PDE1C: variants seen among roughly 807,000 people sequenced by gnomAD.
PDE1C encodes the protein phosphodiesterase 1C.
PDE1C carries 62 observed loss-of-function variants against 93.1 expected under a neutral mutation model. That is an observed-to-expected ratio of 0.67 (90% CI 0.54 to 0.82). The LOEUF is 0.82. Among genes scored for constraint, PDE1C ranks in the 40% least tolerant of loss-of-function variants. The pLI is 0.00. For synonymous variants in PDE1C, 325 were observed against 310.1 expected (o/e 1.05, Z -0.50); for missense variants, 742 against 884.6 (o/e 0.84, Z 2.04).
intron 3 of PDE1C, among the ~76,000 whole-genome samples, chr7:32,157,063 C>T (rs192897895): frequency 1.2e-3 from 186 of 152,218 alleles, no homozygotes; most frequent in African/African-American, 4.1e-3. Context: ...CTAGAGGCAA[C>T]GATCAGAAAA....
intron 2 of PDE1C, among the ~76,000 whole-genome samples, chr7:31,911,354 T>C (rs1449954799): frequency 6.6e-6 from 1 of 152,170 alleles, no homozygotes; most frequent in African/African-American, 2.4e-5. Context: ...GTGGTGCTAC[T>C]TGTGGCCTTT....
downstream of PDE1C, among the ~76,000 whole-genome samples, chr7:31,749,854 C>T (rs186414874): frequency 4.5e-3 from 686 of 151,158 alleles, 2 homozygotes; most frequent in Non-Finnish European, 6.7e-3. Flanking sequence ...TCTCCTGCCT[C>T]AGCCTCCCAA....
chr7:32,061,180 A>G (rs536808088), intron 1 of PDE1C, among the ~76,000 whole-genome samples: 1 of 152,356 alleles, frequency 6.6e-6, no homozygotes, highest in African/African-American at 2.4e-5. Flanking sequence ...TGACTTTCAG[A>G]CAAAATGCTC....
chr7:31,909,162 T>TA (rs1447871290), intron 2 of PDE1C, among the ~76,000 whole-genome samples: 1 of 152,176 alleles, frequency 6.6e-6, no homozygotes, highest in African/African-American at 2.4e-5. Context: ...CCTGTCCTCT[T>TA]ACGTGGTAAA....
chr7:31,911,554 C>A (rs1222641369), intron 2 of PDE1C, among the ~76,000 whole-genome samples: 1 of 152,110 alleles, frequency 6.6e-6, no homozygotes, highest in East Asian at 1.9e-4. Flanking sequence ...AATCCCCCTG[C>A]TAATCTCCCC....
At chr7:32,082,533 C>G (rs111694462) in intron 3 of PDE1C, among the ~76,000 whole-genome samples, 11 of 150,998 alleles carry the variant, frequency 7.3e-5, no homozygotes, top group South Asian at 6.3e-4. Flanking sequence ...GATCTGAGAA[C>G]GGGCAGACTG....
intron 2 of PDE1C, among the ~76,000 whole-genome samples, chr7:31,947,872 A>G (rs1275818122): frequency 2.6e-5 from 4 of 152,226 alleles, no homozygotes; most frequent in Non-Finnish European, 5.9e-5. Flanking sequence ...AAGTTCTGAT[A>G]CTAGGCAGAT....
the PDE1C span, among the ~76,000 whole-genome samples, chr7:31,634,446 T>C: frequency 3.4e-4 from 52 of 152,272 alleles, no homozygotes; most frequent in Non-Finnish European, 5.9e-4. Context: ...ACAAGTAACA[T>C]AGTATTACCA....
chr7:31,691,822 A>AAC, the PDE1C span, among the ~76,000 whole-genome samples: 1 of 141,648 alleles, frequency 7.1e-6, no homozygotes, highest in Non-Finnish European at 1.5e-5. Context: ...AAAAAAAAAA[A>AAC]CCAAGCAAAA....
chr7:32,171,374 G>T (rs924161505), intron 2 of PDE1C, among the ~76,000 whole-genome samples: 1 of 151,302 alleles, frequency 6.6e-6, no homozygotes, highest in South Asian at 2.1e-4. Context: ...GGGTTCCATG[G>T]ATTCAAACAA....
At chr7:31,732,636 T>TC in the PDE1C span, among the ~76,000 whole-genome samples, 2 of 103,204 alleles carry the variant, frequency 1.9e-5, no homozygotes, top group East Asian at 2.6e-4. Flanking sequence ...TCTCCTCTCT[T>TC]TCTGTGTGTG....
chr7:32,130,640 C>A (rs531153926), intron 3 of PDE1C, among the ~76,000 whole-genome samples: 1 of 152,208 alleles, frequency 6.6e-6, no homozygotes, highest in East Asian at 1.9e-4. Context: ...ATCTTACAAA[C>A]TCTTCTTGTC....
intron 1 of PDE1C, among the ~76,000 whole-genome samples, chr7:32,261,541 C>T (rs1204304824): frequency 2.6e-5 from 4 of 152,144 alleles, no homozygotes; most frequent in Admixed American, 6.5e-5. Context: ...TGCAATTCCC[C>T]GTCTTGATAA....
chr7:31,692,858 C>T, the PDE1C span, among the ~76,000 whole-genome samples: 2 of 152,176 alleles, frequency 1.3e-5, no homozygotes, highest in African/African-American at 4.8e-5. Flanking sequence ...AGCTTGTTTC[C>T]AGTATTTCCT....
chr7:32,148,509 C>T (rs934502622), intron 3 of PDE1C, among the ~76,000 whole-genome samples: 6 of 152,116 alleles, frequency 3.9e-5, no homozygotes, highest in African/African-American at 1.4e-4. Flanking sequence ...GATTCACATA[C>T]TCAAGTTGTT....
the PDE1C span, among the ~76,000 whole-genome samples, chr7:31,725,752 T>C: frequency 6.6e-6 from 1 of 152,216 alleles, no homozygotes; most frequent in African/African-American, 2.4e-5. Flanking sequence ...TTCTTACAGC[T>C]GCTTATGTAT....
intron 1 of PDE1C, among the ~76,000 whole-genome samples, chr7:32,260,515 T>C (rs1585043267): frequency 6.6e-6 from 1 of 152,154 alleles, no homozygotes; most frequent in East Asian, 1.9e-4. Flanking sequence ...GGTCAGTCCA[T>C]GGAGGGCAGC....
chr7:31,814,767 T>C lies in PDE1C; in HGVS notation c.1813+1157A>G, dbSNP rs528934250. Among the ~76,000 whole-genome samples the C allele has an allele frequency of 3.3e-5, 5 of 150,340 alleles. No individual in the cohort carries two copies. In the South Asian group the frequency reaches 1.1e-3, roughly 32 times the overall value. On this transcript the variant is annotated intron_variant, in intron 15 of 17. Transcript: ENST00000396191. ...TTCACTGTTTTTACTATCATGAGTA[T>C]TACTGAAGGTTCCATGAGGCCTGTG...
At chr7:32,260,860 C>A (rs1054488941) in intron 1 of PDE1C, among the ~76,000 whole-genome samples, 5 of 152,216 alleles carry the variant, frequency 3.3e-5, no homozygotes, top group African/African-American at 7.2e-5. Flanking sequence ...GTGGCTCATG[C>A]CTGTAATCCC....
Sources: gnomAD v4.1 joint callset for allele counts (sites outside exome capture counted in the v4.1 genomes callset) on GRCh38, gnomAD v4.1.1 for gene constraint, MANE v1.5 for transcripts, NCBI Gene and HGNC (gene_info 2026-07-23, HGNC 2026-07-21) for gene names.